SYT7: variants seen among roughly 807,000 people sequenced by gnomAD.
The protein encoded by SYT7 is synaptotagmin 7, also known as synaptotagmin-7.
In SYT7, 29 loss-of-function variants were observed where a neutral mutation model predicts 75.1. The observed-to-expected ratio is 0.39, with a 90% CI of 0.29 to 0.53. The LOEUF (loss-of-function observed/expected upper bound fraction) is 0.53. Among genes scored for constraint, SYT7 ranks in the 20% least tolerant of loss-of-function variants. SYT7 has a pLI of 0.77. For missense variants in SYT7, 693 were observed against 953.2 expected (o/e 0.73, Z 3.59); for synonymous variants, 376 against 401.7 (o/e 0.94, Z 0.76).
intron 8 of SYT7, among the ~76,000 whole-genome samples, chr11:61,529,183 G>A (rs1465426729): frequency 6.6e-6 from 1 of 152,182 alleles, no homozygotes; most frequent in Non-Finnish European, 1.5e-5. Context: ...ATGACTGGAT[G>A]AGGGACAGAA....
At chr11:61,541,591 C>T (rs2063043042) in intron 6 of SYT7, among the ~76,000 whole-genome samples, 1 of 152,070 alleles carries the variant, frequency 6.6e-6, no homozygotes, top group African/African-American at 2.4e-5. Context: ...GATTTGTCCT[C>T]AGGGGATGGG....
intron 1 of SYT7, among the ~76,000 whole-genome samples, chr11:61,575,743 C>T (rs2064055615): frequency 6.6e-6 from 1 of 152,174 alleles, no homozygotes; most frequent in African/African-American, 2.4e-5. Flanking sequence ...CCCCACGCAC[C>T]TCAACGCGCC....
rs534786277 is a variant in SYT7 at position 61,524,668 on chromosome 11, C to T, written c.1472-136G>A. The T allele has an allele frequency of 7.1e-5, 55 of 774,548 alleles. No individual in the cohort carries two copies. In the South Asian group the frequency reaches 8.5e-4, roughly 12 times the overall value. The allele number at this position is 774,548 out of a possible 1,614,324, so 48.0% of individuals were successfully genotyped here. ...CACCCCACCGGGCCAGCAGGCACAC[C>T]GGATTGCAATTAGACCTTACTGAAG... On this transcript the variant is annotated intron_variant, in intron 9 of 12. Transcript: ENST00000539008. The surrounding 1 kb of genome is among the most constrained non-coding windows in gnomAD (Gnocchi z 4.1).
intron 1 of SYT7, among the ~76,000 whole-genome samples, chr11:61,572,118 G>T (rs887689510): frequency 2.2e-5 from 3 of 135,282 alleles, no homozygotes; most frequent in African/African-American, 6.2e-5. Context: ...AATGAGGTTG[G>T]GGGGGGGGCA....
At chr11:61,539,485 A>C (rs1205825404) in intron 6 of SYT7, 1 of 152,044 alleles carries the variant, frequency 6.6e-6, no homozygotes, top group Non-Finnish European at 1.5e-5. Context: ...TGGGCCTCTC[A>C]TCAGAACAAA....
In SYT7 at chr11:61,533,752, G is replaced by C. The variant is rs964944352; in HGVS notation, c.1065-628C>G. The C allele has an allele frequency of 3.5e-6, 3 of 845,106 alleles. No individual in the cohort carries two copies. In the African/African-American group the frequency reaches 5.5e-5, roughly 16 times the overall value. 52.4% of individuals were successfully genotyped at this position (845,106 alleles called of 1,614,324 possible). On this transcript the variant is annotated intron_variant, in intron 7 of 12. Transcript: ENST00000539008. ...AGCCACATGCCACACGTGTGCACTT[G>C]AGCATTTGCAATGTGGCCAGTGTGG...
Position 61,576,504 on chromosome 11 carries a change from C to T in SYT7, c.31+4286G>A, listed in dbSNP as rs1565212873. On this transcript the variant is annotated intron_variant, in intron 1 of 12. Coordinates refer to ENST00000539008, the MANE Select transcript of SYT7 (RefSeq NM_001365809.2). This position sits in a 1 kb window ranked among gnomAD's most constrained non-coding sequence, Gnocchi z 4.1. The stretch of plus-strand genomic sequence containing the variant: ...TGCCCACCTGTGATGCCACAGTGCT[C>T]TGAGGAGCCATCAAGCCAACTCATT... 6.6e-6 allele frequency among the ~76,000 whole-genome samples: 1 copy of T among 152,212 alleles called. No individual in the cohort carries two copies. Among genetic ancestry groups the T allele is most frequent in the Non-Finnish European group, 1.5e-5 (1 of 68,024 alleles).
chr11:61,527,978 GCTTGTGCTT>G lies in SYT7; in HGVS notation c.1399_1407del (p.Lys467_Lys469del). ...TTCTTCCGCTTCACCTTGGTCTCCA[GCTTGTGCTT>G]CTTGTCGGGCAGCAGGTAGATCTTG... On this transcript the variant is annotated inframe_deletion, in exon 9 of 13. Coordinates refer to ENST00000539008, the MANE Select transcript of SYT7 (RefSeq NM_001365809.2). 1 of 1,614,184 alleles carries G rather than the reference GCTTGTGCTT, an allele frequency of 6.2e-7. No individual in the cohort carries two copies. Among genetic ancestry groups the G allele is most frequent in the Non-Finnish European group, 8.5e-7 (1 of 1,180,044 alleles).
Position 61,533,507 on chromosome 11 carries a change from G to A in SYT7, c.1065-383C>T, listed in dbSNP as rs1434922908. The A allele has an allele frequency of 1.1e-5, 11 of 985,334 alleles. No homozygotes were observed. The East Asian group carries it at 6.8e-4, about 61-fold the overall frequency. 61.0% of individuals were successfully genotyped at this position (985,334 alleles called of 1,614,324 possible). A position where few individuals can be genotyped will look rare whatever the true frequency, so the allele number is the denominator to read the frequency against. On this transcript the variant is annotated intron_variant, in intron 7 of 12. Transcript: ENST00000539008. ...TATCCCATCCGCCCCCAGCCTGGAA[G>A]GGGGAGGCTCCACCGTGGTGTGGTG...
At chr11:61,549,785 C>T (rs2063294622) in intron 3 of SYT7, among the ~76,000 whole-genome samples, 1 of 152,212 alleles carries the variant, frequency 6.6e-6, no homozygotes. Context: ...CCGCTGCTGC[C>T]TCACTTTGTC....
rs985715553 is a variant in SYT7 at position 61,542,317 on chromosome 11, C to T, written c.835G>A (p.Gly279Ser). The change falls in exon 6 of 13, where the codon GGC becomes AGC. Residue 279 changes from glycine to serine, a missense_variant. Physicochemically the swap from Gly to Ser is moderately conservative, Grantham distance 56. Coordinates refer to ENST00000539008, the MANE Select transcript of SYT7 (RefSeq NM_001365809.2). This position sits in a 1 kb window ranked among gnomAD's most constrained non-coding sequence, Gnocchi z 7.8. ...CCCCCTGCCGCCCGGTACTTGGAGCCGGCCGAGGTGCCCTGCCGAGCCTGG... is the reference window on the plus strand; with the variant it reads ...CCCCCTGCCGCCCGGTACTTGGAGCTGGCCGAGGTGCCCTGCCGAGCCTGG... ...RGQARQGTSAGSKYRAAGGRS... is the reference protein window; with the variant it reads ...RGQARQGTSASSKYRAAGGRS... The T allele has an allele frequency of 2.6e-5, 40 of 1,532,766 alleles. No individual in the cohort carries two copies. The highest frequency in any genetic ancestry group is 7.9e-5 in the Admixed American group (4 of 50,746). The allele number at this position is 1,532,766 out of a possible 1,614,324, so 94.9% of individuals were successfully genotyped here. A position where few individuals can be genotyped will look rare whatever the true frequency, so the allele number is the denominator to read the frequency against.
In SYT7 at chr11:61,517,389, A is replaced by G. The variant is rs964119007; in HGVS notation, c.*1238T>C. 3.8e-5 allele frequency: 15 copies of G among 398,664 alleles called. No individual in the cohort carries two copies. Among genetic ancestry groups the G allele is most frequent in the Non-Finnish European group, 6.6e-5 (15 of 226,190 alleles). 24.7% of individuals were successfully genotyped at this position (398,664 alleles called of 1,614,324 possible). The stretch of plus-strand genomic sequence containing the variant: ...TCCCTGCACTGTGAGTGAGTCGGGC[A>G]GAAGGAGCTGCTCCCGGGGACCAGG... On this transcript the variant is annotated 3_prime_UTR_variant, in exon 13 of 13. Transcript: ENST00000539008.
chr11:61,528,215 TG>T (rs749069960), intron 8 of SYT7, 30 bp from the exon 9 acceptor site: 2 of 1,602,250 alleles, frequency 1.2e-6, no homozygotes, highest in Admixed American at 3.3e-5. Flanking sequence ...CGGCAGGGTT[TG>T]GGGAGGATTC....
At position 61,514,920 on chromosome 11, in the gene SYT7, A is replaced by G. The variant is rs2062114082; in HGVS notation, c.*3707T>C. 6.6e-6 allele frequency among the ~76,000 whole-genome samples: 1 copy of G among 152,166 alleles called. No homozygotes were observed. Among genetic ancestry groups the G allele is most frequent in the African/African-American group, 2.4e-5 (1 of 41,424 alleles). ...AGTGGCCCCATGGATGGTGGTGGGAAAGCTGGAGCGTCCCCCTTTGGTTTG... is the reference window on the plus strand; with the variant it reads ...AGTGGCCCCATGGATGGTGGTGGGAGAGCTGGAGCGTCCCCCTTTGGTTTG... On this transcript the variant is annotated 3_prime_UTR_variant, in exon 13 of 13. Transcript: ENST00000539008.
At chr11:61,545,333 G>C (rs1033955698) in intron 5 of SYT7, among the ~76,000 whole-genome samples, 3 of 152,210 alleles carry the variant, frequency 2.0e-5, no homozygotes, top group Non-Finnish European at 4.4e-5. Context: ...AAGCTAGCTG[G>C]GGTTTGACAA....
Position 61,556,203 on chromosome 11 carries a change from C to A in SYT7, c.36G>T (p.Ala12=). The change falls in exon 2 of 13, where the codon GCG becomes GCT. Residue 12 remains alanine (A), a synonymous_variant. Coordinates refer to ENST00000539008, the MANE Select transcript of SYT7 (RefSeq NM_001365809.2). ...AGACCAGCAGGACGTCGCGCGAGGGCGCCCCTGGGGAGGACAGGTACAGGT... is the reference window on the plus strand; with the variant it reads ...AGACCAGCAGGACGTCGCGCGAGGGAGCCCCTGGGGAGGACAGGTACAGGT... The part of the protein sequence containing the change: ...YRDPEAASPG[A]PSRDVLLVSA... 1 of 1,612,694 alleles carries A rather than the reference C, an allele frequency of 6.2e-7. No homozygotes were observed. Among genetic ancestry groups the A allele is most frequent in the Non-Finnish European group, 8.5e-7 (1 of 1,179,520 alleles).
intron 1 of SYT7, among the ~76,000 whole-genome samples, chr11:61,566,670 G>A (rs1311906212): frequency 3.3e-5 from 5 of 152,188 alleles, no homozygotes; most frequent in Admixed American, 6.5e-5. Flanking sequence ...CCGGGAATGC[G>A]GAGCAGAGGC....
rs1450638162 is a variant in SYT7 at position 61,542,902 on chromosome 11, C to T, written c.573-323G>A. The stretch of plus-strand genomic sequence containing the variant: ...GAGTGGGCTGCGAGTGCTGCTGAGG[C>T]TGCGTGGTGAAGGCAGGTCCCCTGG... On this transcript the variant is annotated intron_variant, in intron 5 of 12. Coordinates refer to ENST00000539008, the MANE Select transcript of SYT7 (RefSeq NM_001365809.2). The surrounding 1 kb of genome is among the most constrained non-coding windows in gnomAD (Gnocchi z 7.8). 6.6e-6 allele frequency among the ~76,000 whole-genome samples: 1 copy of T among 152,264 alleles called. No homozygotes were observed. The highest frequency in any genetic ancestry group is 6.5e-5 in the Admixed American group (1 of 15,298).
intron 5 of SYT7, 51 bp downstream of exon 5, chr11:61,545,980 A>T (rs2063171573): frequency 6.7e-7 from 1 of 1,497,366 alleles, no homozygotes. Context: ...CCACCCTGGC[A>T]GGGCAGGCCT....
Sources: allele counts gnomAD v4.1 joint callset (sites outside exome capture counted in the v4.1 genomes callset), GRCh38; gene constraint gnomAD v4.1.1; non-coding constraint Gnocchi (gnomAD v3.1); transcripts MANE v1.5; gene names NCBI Gene and HGNC (gene_info 2026-07-23, HGNC 2026-07-21).